The following CENPO variants were observed in gnomAD, a reference collection of about 807,000 sequenced individuals.
The protein encoded by CENPO is centromeric protein O.
A neutral mutation model predicts 36.1 loss-of-function variants in CENPO; 30 were observed. The ratio of observed to expected loss-of-function variants is 0.83; its 90% CI spans 0.62 to 1.13. CENPO has a LOEUF of 1.13. Ranked by LOEUF, CENPO falls within the 50% of genes most tolerant of loss-of-function variation. The probability of loss-of-function intolerance (pLI) is 0.00; values close to 1 mark genes in which losing one functional copy is unlikely to be tolerated. For synonymous variants in CENPO, 171 were observed against 142.3 expected, an observed-to-expected ratio of 1.20 and a Z score of -1.44; for missense variants, 349 against 357.8, an observed-to-expected ratio of 0.98 and a Z score of 0.20.
chr2:24,819,047 G>C (rs1463304104), intron 7 of CENPO: 1 of 152,782 alleles, frequency 6.5e-6, no homozygotes, highest in East Asian at 1.9e-4. Context: ...CCGGGGTACA[G>C]TGAGCTATGA....
In CENPO at chr2:24,798,044, G is replaced by T. The variant is rs114273027; in HGVS notation, c.47-1631G>T. ...AAGGAAATGCTTATTTCCAGTTTTG[G>T]ATTTTCAGATATGGGATGTTCAGCC... On this transcript the variant is annotated intron_variant, in intron 2 of 7. Transcript: ENST00000380834. Among the ~76,000 whole-genome samples the T allele has an allele frequency of 4.1e-3, 626 of 152,214 alleles. 6 individuals are homozygous for T. The highest frequency in any genetic ancestry group is 7.1e-3 in the Non-Finnish European group (485 of 68,024).
At chr2:24,807,405 T>C (rs909131928) in intron 3 of CENPO, among the ~76,000 whole-genome samples, 2 of 152,236 alleles carry the variant, frequency 1.3e-5, no homozygotes, top group Admixed American at 6.5e-5. Flanking sequence ...CAAACTCTTA[T>C]GTCTGGCTTC....
At chr2:24,814,517 A>T (rs368540311) in intron 4 of CENPO, 24 bp downstream of exon 4, 42 of 1,123,642 alleles carry the variant, frequency 3.7e-5, no homozygotes, top group Non-Finnish European at 5.1e-5. Context: ...TTTTAACCTA[A>T]TTTAGTCTGG....
intron 3 of CENPO, among the ~76,000 whole-genome samples, chr2:24,806,095 G>T (rs1666389135): frequency 6.6e-6 from 1 of 152,218 alleles, no homozygotes. Context: ...CAATGAGCAG[G>T]CTCTGTGGGC....
intron 2 of CENPO, among the ~76,000 whole-genome samples, chr2:24,795,443 A>C (rs1665855942): frequency 6.6e-6 from 1 of 152,162 alleles, no homozygotes; most frequent in South Asian, 2.1e-4. Flanking sequence ...CTTCCAAGGT[A>C]AAGCAGGCCC....
chr2:24,817,537 ACT>A (rs1368936082), intron 6 of CENPO, 131 bp from the exon 7 acceptor site: 2 of 1,146,586 alleles, frequency 1.7e-6, no homozygotes, highest in Non-Finnish European at 2.5e-6. Flanking sequence ...CCCCAGCTGC[ACT>A]GAGTGAGATT....
intron 3 of CENPO, among the ~76,000 whole-genome samples, chr2:24,812,902 G>GTTTT (rs35639594): frequency 8.2e-4 from 86 of 105,504 alleles, no homozygotes; most frequent in Non-Finnish European, 1.1e-3. Context: ...TATGCCTGTA[G>GTTTT]TTTTTTTTTT....
At chr2:24,807,832 G>A (rs1041236766) in intron 3 of CENPO, among the ~76,000 whole-genome samples, 1 of 152,202 alleles carries the variant, frequency 6.6e-6, no homozygotes, top group East Asian at 1.9e-4. Context: ...TCTGGTGGGA[G>A]TGTAATAATA....
Position 24,814,718 on chromosome 2 carries a change from C to T in CENPO, c.334+225C>T, listed in dbSNP as rs1666862575. 3 of 518,488 alleles carry T rather than the reference C, an allele frequency of 5.8e-6. No individual in the cohort carries two copies. In the East Asian group the frequency reaches 9.8e-5, roughly 17 times the overall value. 32.1% of individuals were successfully genotyped at this position (518,488 alleles called of 1,614,324 possible). A position where few individuals can be genotyped will look rare whatever the true frequency, so the allele number is the denominator to read the frequency against. Reference sequence around the variant, plus strand: ...TGACTGGCCCCTTTGTACAGCAGCTCAGTTGGTGGCTGGCTTATTCCACTC... The same window carrying T: ...TGACTGGCCCCTTTGTACAGCAGCTTAGTTGGTGGCTGGCTTATTCCACTC... On this transcript the variant is annotated intron_variant, in intron 4 of 7. Coordinates refer to ENST00000380834, the MANE Select transcript of CENPO (RefSeq NM_001322101.2).
chr2:24,810,402 A>G (rs1360589757), intron 3 of CENPO, among the ~76,000 whole-genome samples: 1 of 152,066 alleles, frequency 6.6e-6, no homozygotes, highest in African/African-American at 2.4e-5. Context: ...CAGCATAGTG[A>G]GAGCCCCTCA....
At chr2:24,810,280 A>C (rs1666615521) in intron 3 of CENPO, among the ~76,000 whole-genome samples, 1 of 151,910 alleles carries the variant, frequency 6.6e-6, no homozygotes, top group African/African-American at 2.4e-5. Context: ...TTCTTGCCTT[A>C]AAATCTATTT....
At chr2:24,802,902 G>A (rs1388854866) in intron 3 of CENPO, among the ~76,000 whole-genome samples, 1 of 152,144 alleles carries the variant, frequency 6.6e-6, no homozygotes, top group Admixed American at 6.5e-5. Context: ...CAGAAGGAAT[G>A]GTACCAGCTC....
chr2:24,797,638 A>G (rs753026489), intron 2 of CENPO, among the ~76,000 whole-genome samples: 3 of 152,198 alleles, frequency 2.0e-5, no homozygotes, highest in Admixed American at 6.5e-5. Context: ...GTTCATCACT[A>G]TGTTCCCAGT....
At chr2:24,805,398 G>A (rs1666353859) in intron 3 of CENPO, among the ~76,000 whole-genome samples, 1 of 152,312 alleles carries the variant, frequency 6.6e-6, no homozygotes, top group African/African-American at 2.4e-5. Context: ...GAGGAGAGGC[G>A]CTCTGATTTT....
At position 24,819,752 on chromosome 2, in the gene CENPO, C is replaced by T; in HGVS notation, c.*434C>T. The T allele has an allele frequency of 1.5e-6, 1 of 650,536 alleles. No homozygotes were observed. The highest frequency in any genetic ancestry group is 2.6e-6 in the Non-Finnish European group (1 of 377,854). The allele number at this position is 650,536 out of a possible 1,614,324, so 40.3% of individuals were successfully genotyped here. On this transcript the variant is annotated 3_prime_UTR_variant, in exon 8 of 8. Transcript: ENST00000380834. Reference sequence around the variant, plus strand: ...CCCTATGCTGGGGACACTACAGGCACACACAGGAATAGCAGGGCCACCCTC... The same window carrying T: ...CCCTATGCTGGGGACACTACAGGCATACACAGGAATAGCAGGGCCACCCTC...
intron 3 of CENPO, among the ~76,000 whole-genome samples, chr2:24,809,017 T>A (rs992875317): frequency 7.9e-5 from 12 of 152,342 alleles, no homozygotes; most frequent in Admixed American, 5.9e-4. Context: ...CCGATCCAAT[T>A]TCTTTGATCA....
intron 3 of CENPO, among the ~76,000 whole-genome samples, chr2:24,813,640 G>C (rs1666806052): frequency 6.6e-6 from 1 of 152,182 alleles, no homozygotes; most frequent in Non-Finnish European, 1.5e-5. Flanking sequence ...TTGAGTTCCT[G>C]TTTCTATGGA....
At position 24,793,441 on chromosome 2, in the gene CENPO, C is replaced by G. The variant is rs1282313921; in HGVS notation, c.-129C>G. On this transcript the variant is annotated 5_prime_UTR_variant, in exon 1 of 8. Transcript: ENST00000380834. ...TTGTACGGCAGGATCGCAAAGCACGCCGGGACCGGTTGGTTTGGTTTTGAA... is the reference window on the plus strand; with the variant it reads ...TTGTACGGCAGGATCGCAAAGCACGGCGGGACCGGTTGGTTTGGTTTTGAA... 1 of 1,606,210 alleles carries G rather than the reference C, an allele frequency of 6.2e-7. No homozygotes were observed. Among genetic ancestry groups the G allele is most frequent in the South Asian group, 1.1e-5 (1 of 90,362 alleles).
At chr2:24,794,001 C>T (rs1665765014) in intron 2 of CENPO, 36 bp downstream of exon 2, 3 of 1,512,346 alleles carry the variant, frequency 2.0e-6, no homozygotes, top group Non-Finnish European at 2.8e-6. Flanking sequence ...CCTGCTGCTG[C>T]CCAAAGATGA....
Sources: allele counts gnomAD v4.1 joint callset (sites outside exome capture counted in the v4.1 genomes callset), GRCh38; gene constraint gnomAD v4.1.1; transcripts MANE v1.5; gene names NCBI Gene and HGNC (gene_info 2026-07-23, HGNC 2026-07-21).